ADK: variants seen among roughly 807,000 people sequenced by gnomAD.
ADK encodes the protein N6,N6-dimethyladenosine kinase.
Under a neutral mutation model 44.7 loss-of-function variants are expected in ADK, and 24 were observed. That is an observed-to-expected ratio of 0.54 (90% CI 0.39 to 0.76). ADK has a LOEUF of 0.76. Ranked by LOEUF, ADK falls within the 30% of genes least tolerant of loss-of-function variation. ADK has a pLI of 0.00. For synonymous variants in ADK, 128 were observed against 142.6 expected, an observed-to-expected ratio of 0.90 and a Z score of 0.73; for missense variants, 321 against 425.1, an observed-to-expected ratio of 0.76 and a Z score of 2.15.
intron 3 of ADK, among the ~76,000 whole-genome samples, chr10:74,272,280 C>A (rs1846461620): frequency 6.6e-6 from 1 of 151,616 alleles, no homozygotes; most frequent in African/African-American, 2.4e-5. Context: ...TATGTTCTTG[C>A]TCTCTTTTTT....
chr10:74,532,919 C>CAAAAAA (rs35774493), intron 7 of ADK, among the ~76,000 whole-genome samples: 1 of 75,506 alleles, frequency 1.3e-5, no homozygotes, highest in African/African-American at 5.6e-5. Flanking sequence ...GACTCTGTCT[C>CAAAAAA]AAAAAAAAAA....
chr10:74,156,528 C>T (rs1437782911), intron 1 of ADK, among the ~76,000 whole-genome samples: 1 of 152,142 alleles, frequency 6.6e-6, no homozygotes, highest in East Asian at 1.9e-4. Flanking sequence ...GGCACTGGCA[C>T]TACTACATTC....
chr10:74,237,495 C>A (rs1031370992), intron 3 of ADK, among the ~76,000 whole-genome samples: 12 of 152,250 alleles, frequency 7.9e-5, no homozygotes, highest in Admixed American at 7.2e-4. Flanking sequence ...CTTCCAAACT[C>A]CTGTTAATGT....
At chr10:74,312,914 CAAAAAAAAAAAAAAA>C (rs56052959) in intron 3 of ADK, among the ~76,000 whole-genome samples, 2 of 37,820 alleles carry the variant, frequency 5.3e-5, no homozygotes, top group Admixed American at 5.1e-4. Flanking sequence ...ATTCTGTCTC[CAAAAAAAAAAAAAAA>C]AAAAAAAAAA....
intron 4 of ADK, among the ~76,000 whole-genome samples, chr10:74,340,153 G>A (rs1478018708): frequency 6.6e-6 from 1 of 152,042 alleles, no homozygotes; most frequent in African/African-American, 2.4e-5. Context: ...GTTTTAGTTT[G>A]ATTTTAAAAT....
intron 1 of ADK, among the ~76,000 whole-genome samples, chr10:74,153,467 A>G (rs1841668591): frequency 6.6e-6 from 1 of 152,192 alleles, no homozygotes; most frequent in South Asian, 2.1e-4. Context: ...CCTTTCTCAA[A>G]TATCTATTAT....
chr10:74,664,166 A>G (rs974097894), intron 9 of ADK, among the ~76,000 whole-genome samples: 4 of 152,234 alleles, frequency 2.6e-5, no homozygotes, highest in Non-Finnish European at 5.9e-5. Flanking sequence ...TAAATAAATT[A>G]TACTATATCC....
At chr10:74,634,818 G>A (rs988051010) in intron 9 of ADK, among the ~76,000 whole-genome samples, 3 of 152,000 alleles carry the variant, frequency 2.0e-5, no homozygotes, top group African/African-American at 7.2e-5. Flanking sequence ...AGTGGCACAC[G>A]CCTATAGTCC....
chr10:74,353,833 A>G (rs1842047426), intron 4 of ADK, among the ~76,000 whole-genome samples: 1 of 152,156 alleles, frequency 6.6e-6, no homozygotes, highest in South Asian at 2.1e-4. Flanking sequence ...GCGCCACTGC[A>G]CTCCAGCTCT....
intron 9 of ADK, among the ~76,000 whole-genome samples, chr10:74,638,469 C>G (rs928282521): frequency 6.6e-6 from 1 of 152,076 alleles, no homozygotes; most frequent in African/African-American, 2.4e-5. Context: ...CAAGACCAGC[C>G]TGGGAACATA....
chr10:74,533,743 A>G (rs546357785), intron 7 of ADK, among the ~76,000 whole-genome samples: 17 of 152,308 alleles, frequency 1.1e-4, no homozygotes, highest in Admixed American at 7.2e-4. Flanking sequence ...TTAAATATAC[A>G]TCCTCCAAAT....
intron 1 of ADK, among the ~76,000 whole-genome samples, chr10:74,177,942 TA>T (rs57024746): frequency 0.15 from 13,843 of 92,420 alleles, 770 homozygotes; most frequent in Middle Eastern, 0.23. Flanking sequence ...TATATATATA[TA>T]TATTTTTTTT....
At chr10:74,478,318 T>A (rs762672460) in intron 6 of ADK, among the ~76,000 whole-genome samples, 4 of 152,112 alleles carry the variant, frequency 2.6e-5, no homozygotes, top group Non-Finnish European at 5.9e-5. Flanking sequence ...CTCCTAGGAT[T>A]AAATGATCCT....
chr10:74,435,559 T>C (rs571719472), intron 6 of ADK, among the ~76,000 whole-genome samples: 39 of 152,132 alleles, frequency 2.6e-4, no homozygotes, highest in Non-Finnish European at 4.9e-4. Flanking sequence ...TGAAAAACAT[T>C]TGTTTATACA....
chr10:74,186,627 T>C (rs78336507), intron 1 of ADK, among the ~76,000 whole-genome samples: 10,679 of 151,994 alleles, frequency 0.07, 1,298 homozygotes, highest in African/African-American at 0.24. Context: ...ATTAATTCTG[T>C]CCCCCTTCTC....
chr10:74,670,083 T>C (rs1855113670), intron 9 of ADK, 100 bp from the exon 10 acceptor site: 1 of 933,178 alleles, frequency 1.1e-6, no homozygotes, highest in Non-Finnish European at 1.7e-6. Context: ...TGTCTCTCTT[T>C]GAATGATGAG....
intron 4 of ADK, chr10:74,372,407 A>G: frequency 2.9e-6 from 2 of 701,596 alleles, no homozygotes; most frequent in Non-Finnish European, 5.3e-6. Context: ...CAAACACTGA[A>G]AGGTCTTAAG....
intron 8 of ADK, among the ~76,000 whole-genome samples, chr10:74,591,929 C>G (rs1003778109): frequency 6.6e-6 from 1 of 151,838 alleles, no homozygotes. Flanking sequence ...CCAATCCAAG[C>G]GCCTCTAAAA....
chr10:74,441,880 A>T (rs2133137458), intron 6 of ADK, among the ~76,000 whole-genome samples: 1 of 152,324 alleles, frequency 6.6e-6, no homozygotes, highest in South Asian at 2.1e-4. Flanking sequence ...CCCGATTAAA[A>T]AATGAGCCCA....
Sources: allele counts gnomAD v4.1 joint callset (sites outside exome capture counted in the v4.1 genomes callset), GRCh38; gene constraint gnomAD v4.1.1; transcripts MANE v1.5; gene names NCBI Gene and HGNC (gene_info 2026-07-23, HGNC 2026-07-21).